Variants in RARB observed in about 807,000 individuals in gnomAD.
RARB encodes retinoic acid receptor beta.
A neutral mutation model predicts 51.9 loss-of-function variants in RARB; 17 were observed. The observed-to-expected ratio is 0.33, with a 90% confidence interval of 0.22 to 0.49. The LOEUF is 0.49. Ranked by LOEUF, RARB falls within the 20% of genes least tolerant of loss-of-function variation. RARB has a pLI of 0.99. For missense variants in RARB, 369 were observed against 550.8 expected (o/e 0.67, Z 3.30); for synonymous variants, 215 against 195.4 (o/e 1.10, Z -0.84).
At chr3:25,099,938 C>T (rs994524853) in intron 3 of RARB, among the ~76,000 whole-genome samples, 1 of 152,190 alleles carries the variant, frequency 6.6e-6, no homozygotes, top group Admixed American at 6.5e-5. Flanking sequence ...ACTACCTTGG[C>T]TCCTTGGCCT....
intron 1 of RARB, among the ~76,000 whole-genome samples, chr3:24,834,556 C>A (rs937371524): frequency 2.0e-5 from 3 of 152,144 alleles, no homozygotes; most frequent in East Asian, 3.8e-4. Context: ...CTGAGCATAA[C>A]CGGCATCCTT....
chr3:24,857,231 C>G (rs1398388410), intron 1 of RARB, among the ~76,000 whole-genome samples: 1 of 152,194 alleles, frequency 6.6e-6, no homozygotes, highest in Non-Finnish European at 1.5e-5. Context: ...ATACTTCACA[C>G]CTCTCATTCC....
At chr3:25,396,434 G>A (rs1434582148) in intron 5 of RARB, among the ~76,000 whole-genome samples, 1 of 152,338 alleles carries the variant, frequency 6.6e-6, no homozygotes, top group African/African-American at 2.4e-5. Flanking sequence ...TTCAAGTGGG[G>A]TTGTTCTTTT....
chr3:25,433,776 C>T (rs1708305916), intron 1 of RARB, among the ~76,000 whole-genome samples: 1 of 152,174 alleles, frequency 6.6e-6, no homozygotes, highest in African/African-American at 2.4e-5. Flanking sequence ...TCTGAATTCT[C>T]CTCTTTTCAT....
At chr3:24,937,685 A>T (rs1320052817) in intron 2 of RARB, among the ~76,000 whole-genome samples, 2 of 152,136 alleles carry the variant, frequency 1.3e-5, no homozygotes, top group African/African-American at 2.4e-5. Context: ...CAAAACATTT[A>T]TTCAGGCTAT....
intron 3 of RARB, among the ~76,000 whole-genome samples, chr3:25,123,788 G>T (rs559401663): frequency 2.0e-5 from 3 of 152,222 alleles, no homozygotes; most frequent in African/African-American, 4.8e-5. Flanking sequence ...TTTCAACCAC[G>T]TTATCTAGAA....
chr3:25,535,956 G>A (rs941157959), intron 3 of RARB, among the ~76,000 whole-genome samples: 8 of 152,192 alleles, frequency 5.3e-5, no homozygotes, highest in South Asian at 2.1e-4. Flanking sequence ...ACCTTCCATC[G>A]TAGGTCAAGG....
chr3:24,918,685 C>G (rs1245663566), intron 2 of RARB, among the ~76,000 whole-genome samples: 1 of 152,098 alleles, frequency 6.6e-6, no homozygotes, highest in Non-Finnish European at 1.5e-5. Context: ...GAGTTCAAGA[C>G]CATCCTGGCC....
chr3:25,537,754 T>C (rs1356655862), intron 3 of RARB, among the ~76,000 whole-genome samples: 1 of 152,234 alleles, frequency 6.6e-6, no homozygotes, highest in East Asian at 1.9e-4. Context: ...TTCATAAAGC[T>C]GAGGACAGAA....
chr3:25,195,493 T>C (rs1346754567), intron 5 of RARB, among the ~76,000 whole-genome samples: 1 of 152,052 alleles, frequency 6.6e-6, no homozygotes, highest in Non-Finnish European at 1.5e-5. Flanking sequence ...ATCCCTAATA[T>C]ATTCAACTTC....
intron 3 of RARB, among the ~76,000 whole-genome samples, chr3:25,524,928 C>T (rs553904101): frequency 1.3e-5 from 2 of 152,104 alleles, no homozygotes; most frequent in South Asian, 4.2e-4. Context: ...AGGGTTTCAT[C>T]ATGTTGGCCC....
intron 5 of RARB, among the ~76,000 whole-genome samples, chr3:25,289,852 C>G (rs564514757): frequency 6.6e-6 from 1 of 152,228 alleles, no homozygotes; most frequent in South Asian, 2.1e-4. Context: ...TTCCAGCCAC[C>G]AGTAAACAGT....
At chr3:25,005,292 A>G (rs1697247062) in intron 2 of RARB, among the ~76,000 whole-genome samples, 1 of 152,158 alleles carries the variant, frequency 6.6e-6, no homozygotes, top group Non-Finnish European at 1.5e-5. Flanking sequence ...GTAGTGCTCT[A>G]AAACATTTAT....
At chr3:25,417,623 T>C (rs140773246) in intron 5 of RARB, among the ~76,000 whole-genome samples, 1 of 152,202 alleles carries the variant, frequency 6.6e-6, no homozygotes. Flanking sequence ...CCCAGCCTCA[T>C]GGAACTGTGA....
chr3:25,139,879 T>G (rs959089534), intron 4 of RARB, among the ~76,000 whole-genome samples: 3 of 152,160 alleles, frequency 2.0e-5, no homozygotes, highest in African/African-American at 7.2e-5. Flanking sequence ...CTTAGGGCCC[T>G]TAATAATTAT....
chr3:25,067,560 A>G (rs1421986886), intron 3 of RARB, among the ~76,000 whole-genome samples: 1 of 152,178 alleles, frequency 6.6e-6, no homozygotes, highest in Non-Finnish European at 1.5e-5. Flanking sequence ...TGATGTTTCC[A>G]TTGCTTAAAA....
chr3:24,883,964 T>G (rs1433215269), intron 2 of RARB, among the ~76,000 whole-genome samples: 1 of 152,192 alleles, frequency 6.6e-6, no homozygotes, highest in East Asian at 1.9e-4. Context: ...CAGGTTGTTT[T>G]GGGTATTGTT....
chr3:25,475,530 CAG>C (rs1695904542), intron 2 of RARB, among the ~76,000 whole-genome samples: 2 of 151,926 alleles, frequency 1.3e-5, no homozygotes, highest in Non-Finnish European at 2.9e-5. Flanking sequence ...ATATATAAAA[CAG>C]AATTTATATA....
chr3:25,447,527 G>A (rs1387500923), intron 1 of RARB, among the ~76,000 whole-genome samples: 1 of 152,206 alleles, frequency 6.6e-6, no homozygotes, highest in African/African-American at 2.4e-5. Flanking sequence ...AGTTGATGTT[G>A]CTGACTGATA....
Sources: allele counts gnomAD v4.1 joint callset (sites outside exome capture counted in the v4.1 genomes callset), GRCh38; gene constraint gnomAD v4.1.1; transcripts MANE v1.5; gene names NCBI Gene and HGNC (gene_info 2026-07-23, HGNC 2026-07-21).